Variants in COL4A1 observed in about 807,000 individuals in gnomAD.
COL4A1 encodes collagen type IV alpha 1 chain, also known as collagen alpha-1(IV) chain.
A neutral mutation model predicts 216.6 loss-of-function variants in COL4A1; 40 were observed. That is an observed-to-expected ratio of 0.18 (90% CI 0.14 to 0.24). The LOEUF is 0.24. Among genes scored for constraint, COL4A1 ranks in the 10% least tolerant of loss-of-function variants. The pLI is 1.00. For missense variants in COL4A1, 1,628 were observed against 2,196.8 expected (o/e 0.74, Z 5.18); for synonymous variants, 839 against 810.7 (o/e 1.03, Z -0.59).
At chr13:110,246,868 AGGC>A (rs1881837418) in intron 1 of COL4A1, among the ~76,000 whole-genome samples, 1 of 152,092 alleles carries the variant, frequency 6.6e-6, no homozygotes, top group African/African-American at 2.4e-5. Flanking sequence ...TGCTCCTGTG[AGGC>A]ACACACTTAA....
chr13:110,260,011 T>G (rs1157369944), intron 1 of COL4A1, among the ~76,000 whole-genome samples: 3 of 152,188 alleles, frequency 2.0e-5, no homozygotes, highest in Admixed American at 1.3e-4. Context: ...GGCAACCTAA[T>G]CTTACATCTC....
chr13:110,298,776 T>G (rs1265069490), intron 1 of COL4A1: 2 of 152,274 alleles, frequency 1.3e-5, no homozygotes, highest in African/African-American at 4.8e-5. Flanking sequence ...GCCTCTGAGC[T>G]AGGGCGCTGA....
intron 1 of COL4A1, among the ~76,000 whole-genome samples, chr13:110,264,148 A>G (rs1006702617): frequency 6.6e-6 from 1 of 152,084 alleles, no homozygotes; most frequent in Non-Finnish European, 1.5e-5. Flanking sequence ...AACGGGGAGG[A>G]GGCATTCCAC....
intron 22 of COL4A1, among the ~76,000 whole-genome samples, chr13:110,193,313 G>A (rs933426193): frequency 6.6e-6 from 1 of 152,186 alleles, no homozygotes; most frequent in African/African-American, 2.4e-5. Context: ...CTTTCTCTTT[G>A]GTTGAGTGCT....
At chr13:110,214,498 G>A (rs1388614393) in intron 2 of COL4A1, among the ~76,000 whole-genome samples, 2 of 152,168 alleles carry the variant, frequency 1.3e-5, no homozygotes, top group African/African-American at 2.4e-5. Flanking sequence ...TGGAAGAGAT[G>A]GGCATTTGAA....
chr13:110,285,836 C>T (rs2139305354), intron 1 of COL4A1, among the ~76,000 whole-genome samples: 1 of 152,304 alleles, frequency 6.6e-6, no homozygotes, highest in South Asian at 2.1e-4. Context: ...CCCCCATGGT[C>T]ATGTGTGAGT....
chr13:110,196,289 C>T (rs1484153106), intron 21 of COL4A1, among the ~76,000 whole-genome samples: 1 of 152,184 alleles, frequency 6.6e-6, no homozygotes, highest in Non-Finnish European at 1.5e-5. Flanking sequence ...GGGACCTGCT[C>T]CTGGTGACTC....
At position 110,166,315 on chromosome 13, in the gene COL4A1, G is replaced by C; in HGVS notation, c.3950-12C>G. 1 of 1,573,622 alleles carries C rather than the reference G, an allele frequency of 6.4e-7. No homozygotes were observed. The highest frequency in any genetic ancestry group is 8.7e-7 in the Non-Finnish European group (1 of 1,143,112). Reference sequence around the variant, plus strand: ...AAGACCTTTTGGACCTAAAAGCAGAGGGAAAGCACTGTCTTGCACAGAATT... The same window carrying C: ...AAGACCTTTTGGACCTAAAAGCAGACGGAAAGCACTGTCTTGCACAGAATT... On this transcript the variant is annotated splice_polypyrimidine_tract_variant and intron_variant, in intron 44 of 51. Transcript: ENST00000375820.
chr13:110,212,682 A>G (rs2139205831), intron 4 of COL4A1, 64 bp from the exon 5 acceptor site: 3 of 1,580,260 alleles, frequency 1.9e-6, no homozygotes, highest in Non-Finnish European at 2.6e-6. Context: ...CTCCTCCTGC[A>G]TCTCCCCGGT....
intron 15 of COL4A1, 91 bp downstream of exon 15, chr13:110,206,574 G>A: frequency 7.1e-7 from 1 of 1,407,880 alleles, no homozygotes; most frequent in Non-Finnish European, 1.0e-6. Context: ...GTCCCTACGA[G>A]CCTTTTCTGT....
At position 110,211,927 on chromosome 13, in the gene COL4A1, G is replaced by C. The variant is rs751439804; in HGVS notation, c.388-5C>G. ...CCCGAGCGGCCCTCTCTCCCCCTGGGGAGACAGCAGAGCATCATTCATACG... is the reference window on the plus strand; with the variant it reads ...CCCGAGCGGCCCTCTCTCCCCCTGGCGAGACAGCAGAGCATCATTCATACG... On this transcript the variant is annotated splice_polypyrimidine_tract_variant and splice_region_variant and intron_variant, in intron 6 of 51. Coordinates refer to ENST00000375820, the MANE Select transcript of COL4A1 (RefSeq NM_001845.6). This position sits in a 1 kb window ranked among gnomAD's most constrained non-coding sequence, Gnocchi z 4.3. 5.0e-6 allele frequency: 8 copies of C among 1,614,110 alleles called. No homozygotes were observed. Among genetic ancestry groups the C allele is most frequent in the South Asian group, 1.1e-5 (1 of 91,080 alleles).
chr13:110,210,147 G>A lies in COL4A1; in HGVS notation c.534C>T (p.Pro178=), dbSNP rs370552151. 23 of 1,614,042 alleles carry A rather than the reference G, an allele frequency of 1.4e-5. No homozygotes were observed. The highest frequency in any genetic ancestry group is 1.1e-4 in the African/African-American group (8 of 75,008). ...TGCTTACTGGAGTCCCTGGGATTCC[G>A]GGAAATCCTCTTTCACCTTTCAACA... ...GMLLKGERGF[P]GIPGTPGPPG... The change falls in exon 9 of 52, where the codon CCC becomes CCT. Residue 178 remains proline (P), a synonymous_variant. Transcript: ENST00000375820.
At chr13:110,249,716 T>C (rs1368664070) in intron 1 of COL4A1, among the ~76,000 whole-genome samples, 1 of 152,198 alleles carries the variant, frequency 6.6e-6, no homozygotes. Flanking sequence ...GCCTTTGATA[T>C]GTTTCTGTAA....
At chr13:110,152,591 G>T in intron 50 of COL4A1, 85 bp from the exon 51 acceptor site, 1 of 1,471,202 alleles carries the variant, frequency 6.8e-7, no homozygotes, top group Non-Finnish European at 9.2e-7. Context: ...AAGGCGCCAG[G>T]GTGTTCCCTC....
intron 2 of COL4A1, among the ~76,000 whole-genome samples, chr13:110,224,470 G>T (rs575178968): frequency 1.3e-5 from 2 of 152,130 alleles, no homozygotes; most frequent in Non-Finnish European, 2.9e-5. Flanking sequence ...TTACAGACGT[G>T]CACCATCATG....
At chr13:110,227,541 G>A (rs539797903) in intron 2 of COL4A1, among the ~76,000 whole-genome samples, 28 of 152,046 alleles carry the variant, frequency 1.8e-4, no homozygotes, top group African/African-American at 5.8e-4. Flanking sequence ...TGGTTCCCAC[G>A]CCCCCAGACC....
intron 1 of COL4A1, among the ~76,000 whole-genome samples, chr13:110,305,129 C>G (rs1884632429): frequency 6.6e-6 from 1 of 152,198 alleles, no homozygotes; most frequent in Admixed American, 6.5e-5. Context: ...AAGCACTTTT[C>G]TCTAATTAAG....
intron 1 of COL4A1, among the ~76,000 whole-genome samples, chr13:110,303,402 T>G (rs1884570259): frequency 6.6e-6 from 1 of 152,026 alleles, no homozygotes; most frequent in South Asian, 2.1e-4. Context: ...GCCCTTCCAA[T>G]TCTTTCCACC....
At chr13:110,218,623 CA>C (rs1280332566) in intron 2 of COL4A1, among the ~76,000 whole-genome samples, 1 of 152,178 alleles carries the variant, frequency 6.6e-6, no homozygotes, top group Non-Finnish European at 1.5e-5. Flanking sequence ...TAGGATTCCA[CA>C]TACGAATCCT....
Sources: allele counts gnomAD v4.1 joint callset (sites outside exome capture counted in the v4.1 genomes callset), GRCh38; gene constraint gnomAD v4.1.1; non-coding constraint Gnocchi (gnomAD v3.1); transcripts MANE v1.5; gene names NCBI Gene and HGNC (gene_info 2026-07-23, HGNC 2026-07-21).